The following MINK1 variants were observed in gnomAD, a reference collection of about 807,000 sequenced individuals.
The protein encoded by MINK1 is misshapen like kinase 1, also known as misshapen-like kinase 1.
Under a neutral mutation model 178.4 loss-of-function variants are expected in MINK1, and 46 were observed. That is an observed-to-expected ratio of 0.26 (90% confidence interval 0.20 to 0.33). MINK1 has a LOEUF of 0.33. MINK1 is among the 10% of genes least tolerant of loss of function. MINK1 has a pLI of 1.00. For missense variants in MINK1, 1,366 were observed against 1,814.9 expected (o/e 0.75, Z 4.49); for synonymous variants, 797 against 709.7 (o/e 1.12, Z -1.96).
chr17:4,874,429 C>T (rs1287191028), intron 1 of MINK1, among the ~76,000 whole-genome samples: 4 of 152,212 alleles, frequency 2.6e-5, no homozygotes, highest in Non-Finnish European at 4.4e-5. Flanking sequence ...GGGAGCCCCA[C>T]TACCAGTTCT....
chr17:4,875,104 C>T (rs771128130), intron 1 of MINK1: 2 of 519,980 alleles, frequency 3.8e-6, no homozygotes, highest in South Asian at 1.4e-5. Context: ...GCAGTCAGTT[C>T]AGACGCCCCG....
Position 4,897,399 on chromosome 17 carries a change from T to G in MINK1, c.*112T>G. On this transcript the variant is annotated 3_prime_UTR_variant, in exon 32 of 32. Coordinates refer to ENST00000355280, the MANE Select transcript of MINK1 (RefSeq NM_153827.5). ...TGGGCTTTTGCTTTTACTGGTTTGA[T>G]TTCACTGGAGCCTGCTGGGAACGTG... is the stretch of plus-strand genomic sequence containing the variant. The G allele has an allele frequency of 2.1e-6, 2 of 958,378 alleles. No homozygotes were observed. Among genetic ancestry groups the G allele is most frequent in the Non-Finnish European group, 3.2e-6 (2 of 626,816 alleles). The allele number at this position is 958,378 out of a possible 1,614,324, so 59.4% of individuals were successfully genotyped here.
chr17:4,857,071 C>T (rs751833958), intron 1 of MINK1: 10 of 187,588 alleles, frequency 5.3e-5, no homozygotes, highest in African/African-American at 9.5e-5. Context: ...ATGGCAAAGC[C>T]GGCTGCCAGG....
intron 1 of MINK1, among the ~76,000 whole-genome samples, chr17:4,853,754 C>G (rs1912586531): frequency 6.6e-6 from 1 of 152,042 alleles, no homozygotes; most frequent in African/African-American, 2.4e-5. Context: ...CGGACGGAAA[C>G]TGATTCTTGG....
chr17:4,869,833 A>G (rs897271249), intron 1 of MINK1, among the ~76,000 whole-genome samples: 22 of 119,938 alleles, frequency 1.8e-4, no homozygotes, highest in African/African-American at 6.2e-4. Context: ...TTATTTATTT[A>G]TTTATTTATT....
At chr17:4,891,206 A>ACACACACG in intron 15 of MINK1, 82 bp downstream of exon 15, 1 of 466,938 alleles carries the variant, frequency 2.1e-6, no homozygotes, top group South Asian at 2.6e-5. Flanking sequence ...GCGCGCACAC[A>ACACACACG]CACACACACA....
At chr17:4,891,280 C>T (rs556020087) in intron 15 of MINK1, among the ~76,000 whole-genome samples, 156 bp downstream of exon 15, 7 of 152,204 alleles carry the variant, frequency 4.6e-5, no homozygotes, top group African/African-American at 7.2e-5. Flanking sequence ...CAGACTCACT[C>T]ACCTGCTTCT....
At chr17:4,882,138 C>A (rs1350801397) in intron 4 of MINK1, among the ~76,000 whole-genome samples, 1 of 152,226 alleles carries the variant, frequency 6.6e-6, no homozygotes, top group Non-Finnish European at 1.5e-5. Context: ...GTGGAGATCG[C>A]GGCAGGCTAG....
At chr17:4,835,221 A>G (rs1353602953) in intron 1 of MINK1, among the ~76,000 whole-genome samples, 2 of 152,120 alleles carry the variant, frequency 1.3e-5, no homozygotes, top group African/African-American at 4.8e-5. Context: ...TTCTGAGTAA[A>G]AGTCCCTTAA....
rs894582129 is a variant in MINK1 at position 4,895,914 on chromosome 17, T to G, written c.3364+82T>G. The G allele has an allele frequency of 1.5e-5, 23 of 1,573,688 alleles. No homozygotes were observed. In the African/African-American group the frequency reaches 3.0e-4, roughly 20 times the overall value. ...ATCTGGGAGCCAGGGACTTGGGGCC[T>G]GGGTGGGGCAGTGTAGTGACAGACC... On this transcript the variant is annotated intron_variant, in intron 27 of 31. Transcript: ENST00000355280. The surrounding 1 kb of genome is among the most constrained non-coding windows in gnomAD (Gnocchi z 4.3).
At chr17:4,883,784 C>T (rs1206312029) in intron 4 of MINK1, among the ~76,000 whole-genome samples, 1 of 151,348 alleles carries the variant, frequency 6.6e-6, no homozygotes, top group East Asian at 1.9e-4. Flanking sequence ...GTGATCCACC[C>T]ACCTCGGCCT....
chr17:4,886,758 C>T lies in MINK1; in HGVS notation c.949+132C>T, dbSNP rs920491369. 53 of 1,074,920 alleles carry T rather than the reference C, an allele frequency of 4.9e-5. No individual in the cohort carries two copies. The African/African-American group carries it at 6.7e-4, about 14-fold the overall frequency. The allele number at this position is 1,074,920 out of a possible 1,614,324, so 66.6% of individuals were successfully genotyped here. A position where few individuals can be genotyped will look rare whatever the true frequency, so the allele number is the denominator to read the frequency against. ...CCCAGCTCTCCCTGTCCAAGGAGATCGTTCTCAAACTTGCAACCCCCAAGG... is the reference window on the plus strand; with the variant it reads ...CCCAGCTCTCCCTGTCCAAGGAGATTGTTCTCAAACTTGCAACCCCCAAGG... On this transcript the variant is annotated intron_variant, in intron 10 of 31. Transcript: ENST00000355280. The surrounding 1 kb of genome is among the most constrained non-coding windows in gnomAD (Gnocchi z 6.1).
Position 4,893,593 on chromosome 17 carries a change from G to T in MINK1, c.2560G>T (p.Gly854Cys). 1 of 1,533,674 alleles carries T rather than the reference G, an allele frequency of 6.5e-7. No individual in the cohort carries two copies. Among genetic ancestry groups the T allele is most frequent in the South Asian group, 1.2e-5 (1 of 80,086 alleles). ...AGAGGGGAGCAGAGATACCCCTGGG[G>T]GCCGGTACGGCATCGGGAGTGGGGC... ...PAEGSRDTPG[G>C]RSDGDTDSVS... is the part of the protein sequence containing the mutation. The change falls in exon 21 of 32, where the codon GGC (glycine) becomes TGC (cysteine). Residue 854 changes from glycine to cysteine, a missense_variant. Gly to Cys is a radical substitution (Grantham distance 159). Around this residue, in one of 14 missense-constraint regions of MINK1, gnomAD observed 709 missense variants for 692.3 expected, o/e 1.02. Transcript: ENST00000355280.
At chr17:4,863,713 G>C (rs1341444060) in intron 1 of MINK1, among the ~76,000 whole-genome samples, 7 of 152,150 alleles carry the variant, frequency 4.6e-5, no homozygotes, top group Non-Finnish European at 8.8e-5. Flanking sequence ...TGTCATGTGA[G>C]ATTATACTTC....
chr17:4,852,922 T>G (rs1209549639), intron 1 of MINK1, among the ~76,000 whole-genome samples: 1 of 92 alleles, frequency 0.011, no homozygotes, highest in African/African-American at 0.042. Flanking sequence ...AGTGTGGTTG[T>G]TGGGGGGAGT....
At position 4,895,181 on chromosome 17, in the gene MINK1, C is replaced by A; in HGVS notation, c.3024C>A (p.Thr1008=). The A allele has an allele frequency of 6.2e-7, 1 of 1,614,068 alleles. No homozygotes were observed. Among genetic ancestry groups the A allele is most frequent in the Non-Finnish European group, 8.5e-7 (1 of 1,180,018 alleles). ...NPTNTRAHSE[T]PEIRKYKKRF... ...CCAACACCCGGGCCCACAGTGAGAC[C>A]CCTGAGATCCGGAAGTACAAGAAGC... The change falls in exon 25 of 32, where the codon ACC becomes ACA. Residue 1008 remains threonine, a synonymous_variant. Transcript: ENST00000355280. This position sits in a 1 kb window ranked among gnomAD's most constrained non-coding sequence, Gnocchi z 4.3.
At chr17:4,853,476 T>G in intron 1 of MINK1, among the ~76,000 whole-genome samples, 1 of 134,604 alleles carries the variant, frequency 7.4e-6, no homozygotes, top group Non-Finnish European at 1.6e-5. Context: ...AGAGTGTGGT[T>G]GGTGGGGGAG....
intron 1 of MINK1, among the ~76,000 whole-genome samples, chr17:4,867,935 G>A (rs942725392): frequency 6.6e-6 from 1 of 151,306 alleles, no homozygotes; most frequent in Non-Finnish European, 1.5e-5. Flanking sequence ...TACCTCAAAC[G>A]CTTATTTTGT....
Position 4,886,978 on chromosome 17 carries a change from C to A in MINK1, c.950-132C>A. The A allele has an allele frequency of 1.2e-6, 1 of 837,812 alleles. No individual in the cohort carries two copies. The allele number at this position is 837,812 out of a possible 1,614,324, so 51.9% of individuals were successfully genotyped here. ...CCTGAGACCCGCTGTCCTCCCATTG[C>A]CCCCAGGAAGTGGGTGGGGCCCCTC... On this transcript the variant is annotated intron_variant, in intron 10 of 31. Coordinates refer to ENST00000355280, the MANE Select transcript of MINK1 (RefSeq NM_153827.5). The surrounding 1 kb of genome is among the most constrained non-coding windows in gnomAD (Gnocchi z 6.1).
Sources: gnomAD v4.1 joint callset for allele counts (sites outside exome capture counted in the v4.1 genomes callset) on GRCh38, gnomAD v4.1.1 for gene constraint, gnomAD v4.1.1 regional missense constraint, Gnocchi (gnomAD v3.1) non-coding constraint, MANE v1.5 for transcripts, NCBI Gene and HGNC (gene_info 2026-07-23, HGNC 2026-07-21) for gene names.